RBM26: variants seen among roughly 807,000 people sequenced by gnomAD.
RBM26 encodes the protein RNA-binding protein 26.
RBM26 carries 30 observed loss-of-function variants against 123.6 expected under a neutral mutation model. The observed-to-expected ratio is 0.24, with a 90% CI of 0.18 to 0.33. The LOEUF (loss-of-function observed/expected upper bound fraction) is 0.33. RBM26 is among the 10% of genes least tolerant of loss of function. RBM26 has a pLI of 1.00. For synonymous variants in RBM26, 400 were observed against 404.4 expected (o/e 0.99, Z 0.13); for missense variants, 947 against 1,203.6 (o/e 0.79, Z 3.15).
intron 1 of RBM26, 125 bp downstream of exon 1, chr13:79,405,579 G>A: frequency 1.9e-6 from 1 of 525,510 alleles, no homozygotes; most frequent in Non-Finnish European, 3.2e-6. Context: ...AGAAGCCACA[G>A]AACCCTGGGA....
chr13:79,361,064 ACTT>A (rs1285906847), intron 9 of RBM26, among the ~76,000 whole-genome samples: 1 of 152,102 alleles, frequency 6.6e-6, no homozygotes, highest in Non-Finnish European at 1.5e-5. Flanking sequence ...TAAATTTTCA[ACTT>A]CTTTGTTCTC....
chr13:79,405,674 C>T (rs750972733), intron 1 of RBM26, 30 bp downstream of exon 1: 1 of 1,514,346 alleles, frequency 6.6e-7, no homozygotes. Flanking sequence ...CACTGCCATC[C>T]CTGCAAAGAG....
chr13:79,360,756 A>C (rs948749990), intron 9 of RBM26, among the ~76,000 whole-genome samples: 2 of 152,146 alleles, frequency 1.3e-5, no homozygotes, highest in African/African-American at 4.8e-5. Flanking sequence ...AAGAGCTGTA[A>C]AAGTCTGTTA....
chr13:79,394,181 G>A (rs548217121), intron 1 of RBM26, among the ~76,000 whole-genome samples: 11 of 152,282 alleles, frequency 7.2e-5, no homozygotes, highest in African/African-American at 2.6e-4. Flanking sequence ...AACACTAACT[G>A]GAACTGCCGC....
chr13:79,341,225 C>T lies in RBM26; in HGVS notation c.2430G>A (p.Met810Ile). The T allele has an allele frequency of 6.3e-7, 1 of 1,592,030 alleles. No individual in the cohort carries two copies. Among genetic ancestry groups the T allele is most frequent in the Non-Finnish European group, 8.6e-7 (1 of 1,163,662 alleles). Residue 810 changes from methionine to isoleucine, a missense_variant and splice_region_variant, in exon 18 of 22, where the codon ATG becomes ATA. Met to Ile is a conservative substitution (Grantham distance 10). Transcript: ENST00000438737. Reference protein sequence around the residue: ...LPKSIKTKTQMQKELLDTELD... With the variant: ...LPKSIKTKTQIQKELLDTELD... ...GTTCTGTGTCAAGTAATTCCTTCTG[C>T]ATCTAAAAAATAGTAATTAATATTT... is the stretch of plus-strand genomic sequence containing the variant.
intron 1 of RBM26, among the ~76,000 whole-genome samples, chr13:79,391,857 A>T (rs1013412602): frequency 1.3e-5 from 2 of 151,558 alleles, no homozygotes; most frequent in Admixed American, 1.3e-4. Context: ...ACTTTTTAAG[A>T]AACCAACAAT....
chr13:79,393,565 TG>T (rs1490934574), intron 1 of RBM26, among the ~76,000 whole-genome samples: 1 of 152,188 alleles, frequency 6.6e-6, no homozygotes, highest in East Asian at 1.9e-4. Flanking sequence ...ATTCCCTACT[TG>T]TAAGAGACCT....
At chr13:79,355,442 G>C (rs1278194123) in intron 11 of RBM26, 58 bp from the exon 12 acceptor site, 1 of 1,382,166 alleles carries the variant, frequency 7.2e-7, no homozygotes. Context: ...GCTTCATAGA[G>C]TAAAATTCCC....
chr13:79,372,798 A>ATGATATAT (rs56723093), intron 3 of RBM26, among the ~76,000 whole-genome samples: 1 of 124,462 alleles, frequency 8.0e-6, no homozygotes, highest in African/African-American at 3.4e-5. Flanking sequence ...TATATATTAT[A>ATGATATAT]ATTATATGAT....
intron 7 of RBM26, 163 bp from the exon 8 acceptor site, chr13:79,366,358 A>G: frequency 4.4e-6 from 2 of 457,052 alleles, no homozygotes; most frequent in Non-Finnish European, 2.9e-6. Context: ...CTTTTAATAC[A>G]TTCCAAAGCA....
intron 3 of RBM26, among the ~76,000 whole-genome samples, chr13:79,375,104 A>ATATAAATATATATTTATATATC (rs2076558002): frequency 8.8e-6 from 1 of 114,088 alleles, no homozygotes; most frequent in East Asian, 2.5e-4. Context: ...ATTTATATAT[A>ATATAAATATATATTTATATATC]TCATATAAAT....
chr13:79,313,632 T>C (rs1025588720), exon 5 of RBM26: 1 of 151,692 alleles, frequency 6.6e-6, no homozygotes, highest in Non-Finnish European at 1.5e-5. Flanking sequence ...GAACCAAAAG[T>C]CTAACAACAA....
intron 14 of RBM26, among the ~76,000 whole-genome samples, chr13:79,351,604 CGG>C (rs5805025): frequency 3.7e-5 from 4 of 107,822 alleles, no homozygotes; most frequent in African/African-American, 1.2e-4. Context: ...GTTGGGGCGG[CGG>C]GGGGGGAAAT....
chr13:79,345,808 T>C (rs1422323775), intron 14 of RBM26, among the ~76,000 whole-genome samples: 1 of 152,086 alleles, frequency 6.6e-6, no homozygotes, highest in Admixed American at 6.5e-5. Flanking sequence ...CTGAAATGAC[T>C]ATAGGTCAGA....
intron 20 of RBM26, among the ~76,000 whole-genome samples, chr13:79,324,002 A>G (rs34481354): frequency 0.014 from 2,139 of 151,836 alleles, 26 homozygotes; most frequent in Non-Finnish European, 0.022. Context: ...CAAGAAACCA[A>G]TATTTCAGGT....
At chr13:79,332,424 C>A (rs1278893306) in intron 20 of RBM26, among the ~76,000 whole-genome samples, 1 of 152,114 alleles carries the variant, frequency 6.6e-6, no homozygotes, top group African/African-American at 2.4e-5. Context: ...AGTTTGAAGA[C>A]CACTGCTCTA....
At position 79,320,016 on chromosome 13, in the gene RBM26, C is replaced by G; in HGVS notation, c.*605G>C. 1 of 826,922 alleles carries G rather than the reference C, an allele frequency of 1.2e-6. No individual in the cohort carries two copies. The highest frequency in any genetic ancestry group is 1.4e-6 in the Non-Finnish European group (1 of 715,810). The allele number at this position is 826,922 out of a possible 1,614,324, so 51.2% of individuals were successfully genotyped here. A position where few individuals can be genotyped will look rare whatever the true frequency, so the allele number is the denominator to read the frequency against. ...TTTCCTTTTTTTTTTTTAAAGAGAC[C>G]ATTCCACTTTATTATAACATCTGGA... On this transcript the variant is annotated 3_prime_UTR_variant, in exon 22 of 22. Coordinates refer to ENST00000438737, the MANE Select transcript of RBM26 (RefSeq NM_001366735.2).
intron 18 of RBM26, among the ~76,000 whole-genome samples, chr13:79,340,089 A>T (rs1259596370): frequency 1.3e-5 from 2 of 152,118 alleles, no homozygotes; most frequent in South Asian, 4.1e-4. Flanking sequence ...AGATTCCACC[A>T]ACACTGGCAT....
chr13:79,334,254 G>T, intron 20 of RBM26, 90 bp downstream of exon 20: 1 of 701,070 alleles, frequency 1.4e-6, no homozygotes, highest in Non-Finnish European at 2.3e-6. Context: ...ATATTATTTA[G>T]TAAGTTAAAA....
Sources: gnomAD v4.1 joint callset for allele counts (sites outside exome capture counted in the v4.1 genomes callset) on GRCh38, gnomAD v4.1.1 for gene constraint, MANE v1.5 for transcripts, NCBI Gene and HGNC (gene_info 2026-07-23, HGNC 2026-07-21) for gene names.